MEG3: variants seen among roughly 807,000 people sequenced by gnomAD.
The protein encoded by MEG3 is Very putative protein from MEG3 locus.
At chr14:100,847,852 G>A (rs1481578747) in intron 3 of MEG3, 1 of 152,104 alleles carries the variant, frequency 6.6e-6, no homozygotes, top group Admixed American at 6.5e-5. Flanking sequence ...GAAGAGTTAG[G>A]CTAGGACTTG....
chr14:100,836,900 T>G (rs2037601519), intron 2 of MEG3, among the ~76,000 whole-genome samples: 2 of 152,352 alleles, frequency 1.3e-5, no homozygotes, highest in East Asian at 3.9e-4. Context: ...CGGGAATGTT[T>G]TTGTTTGTTT....
At chr14:100,841,644 G>T (rs1338193397) in intron 2 of MEG3, among the ~76,000 whole-genome samples, 3 of 152,210 alleles carry the variant, frequency 2.0e-5, no homozygotes, top group Non-Finnish European at 1.5e-5. Context: ...TGGTCGGGGG[G>T]GGTCACAGTC....
upstream of MEG3, chr14:100,854,585 T>C (rs925562804): frequency 6.6e-6 from 1 of 152,238 alleles, no homozygotes; most frequent in Non-Finnish European, 1.5e-5. Context: ...ACCTCCTGGG[T>C]GTGCTTGTGG....
chr14:100,833,690 G>A (rs1443849430), downstream of MEG3: 1 of 152,086 alleles, frequency 6.6e-6, no homozygotes, highest in Admixed American at 6.5e-5. Context: ...GGTATGTCCC[G>A]AGTCTGAAAC....
chr14:100,839,390 AG>A (rs1184548258), intron 2 of MEG3, among the ~76,000 whole-genome samples: 1 of 152,186 alleles, frequency 6.6e-6, no homozygotes, highest in East Asian at 1.9e-4. Context: ...AGGAATAAGG[AG>A]GTCTAGCTTC....
exon 1 of MEG3, chr14:100,835,101 C>T (rs1950628): frequency 0.23 from 74,638 of 330,302 alleles, 9,089 homozygotes; most frequent in Admixed American, 0.28. Context: ...AGAGGTAGGC[C>T]GGAGGGTGTG....
At position 100,843,398 on chromosome 14, in the gene MEG3, A is replaced by G. The variant is rs370302212; in HGVS notation, n.3046-2060A>G. Among the ~76,000 whole-genome samples the G allele has an allele frequency of 1.2e-4, 18 of 152,006 alleles. No homozygotes were observed. The East Asian group carries it at 3.3e-3, about 28-fold the overall frequency. The stretch of plus-strand genomic sequence containing the variant: ...CCACCCCAGCCACGCACAGTCTCGG[A>G]GGGAGGGTGGGAAACGGTCTCGAGT... On this transcript the variant is annotated intron_variant and non_coding_transcript_variant, in intron 2 of 3. Transcript: ENST00000398461.
chr14:100,834,359 T>C (rs151097436), exon 1 of MEG3: 2 of 262,016 alleles, frequency 7.6e-6, no homozygotes, highest in Admixed American at 4.9e-5. Flanking sequence ...GGAGAGGGCG[T>C]GGAAGAAATC....
upstream of MEG3, chr14:100,856,103 G>C (rs1354948514): frequency 6.6e-6 from 1 of 152,210 alleles, no homozygotes; most frequent in Non-Finnish European, 1.5e-5. Flanking sequence ...GCCCAGCTCT[G>C]TTTAGAGAAA....
chr14:100,845,414 C>T lies in MEG3; in HGVS notation n.3046-44C>T, dbSNP rs1327157448. 2.2e-6 allele frequency: 1 copy of T among 450,432 alleles called. No homozygotes were observed. The highest frequency in any genetic ancestry group is 7.1e-5 in the East Asian group (1 of 14,158). The allele number at this position is 450,432 out of a possible 1,614,324, so 27.9% of individuals were successfully genotyped here. A position where few individuals can be genotyped will look rare whatever the true frequency, so the allele number is the denominator to read the frequency against. Reference sequence around the variant, plus strand: ...ATCCGCCCTCCTCCTCCTCGCCGGCCTGAGTGAGGTTCTACTCTGTGACCT... The same window carrying T: ...ATCCGCCCTCCTCCTCCTCGCCGGCTTGAGTGAGGTTCTACTCTGTGACCT... On this transcript the variant is annotated intron_variant and non_coding_transcript_variant, in intron 2 of 3. Transcript: ENST00000398461. The surrounding 1 kb of genome is among the most constrained non-coding windows in gnomAD (Gnocchi z 5.2).
downstream of MEG3, chr14:100,832,114 C>A (rs78295903): frequency 6.7e-5 from 10 of 150,060 alleles, no homozygotes; most frequent in Non-Finnish European, 4.4e-5. Flanking sequence ...ACATTAAAGA[C>A]AAAAAAAAAG....
intron 3 of MEG3, chr14:100,852,183 A>G (rs748689931): frequency 1.8e-4 from 67 of 378,416 alleles, no homozygotes; most frequent in Non-Finnish European, 3.5e-4. Flanking sequence ...GGGCGCAGGC[A>G]TGGATGGGGC....
At chr14:100,839,798 G>A (rs973725166) in intron 2 of MEG3, among the ~76,000 whole-genome samples, 18 of 152,310 alleles carry the variant, frequency 1.2e-4, no homozygotes, top group African/African-American at 4.1e-4. Context: ...AGCTCCAGCC[G>A]GATCCAGCAG....
intron 3 of MEG3, chr14:100,848,361 T>G (rs897699877): frequency 6.6e-6 from 1 of 152,114 alleles, no homozygotes; most frequent in Admixed American, 6.5e-5. Flanking sequence ...CAGATTACGA[T>G]GTATCCAGTT....
downstream of MEG3, chr14:100,830,284 T>TAAAC (rs1189260592): frequency 1.3e-5 from 2 of 151,626 alleles, no homozygotes; most frequent in South Asian, 2.1e-4. Context: ...AGTGTGACCT[T>TAAAC]AAACAAGTCG....
At chr14:100,827,154 A>G (rs1326226584) in intron 1 of MEG3, among the ~76,000 whole-genome samples, 1 of 152,046 alleles carries the variant, frequency 6.6e-6, no homozygotes, top group Non-Finnish European at 1.5e-5. Flanking sequence ...GCAGTCTTGG[A>G]CTTTTGGTCA....
chr14:100,851,488 C>T (rs1020833786), intron 3 of MEG3: 1 of 152,254 alleles, frequency 6.6e-6, no homozygotes, highest in Non-Finnish European at 1.5e-5. Context: ...GCCCCGGGAC[C>T]CAGGAGCCCT....
exon 1 of MEG3, chr14:100,860,192 T>C (rs1207669836): frequency 1.6e-5 from 3 of 184,680 alleles, no homozygotes; most frequent in Admixed American, 1.6e-4. Flanking sequence ...GGGGAGACAG[T>C]GGCAGAGGGA....
downstream of MEG3, chr14:100,832,121 A>AAG (rs756484721): frequency 6.6e-6 from 1 of 152,020 alleles, no homozygotes; most frequent in Non-Finnish European, 1.5e-5. Context: ...AGACAAAAAA[A>AAG]AAGTAGGAAA....
Sources: allele counts gnomAD v4.1 joint callset (sites outside exome capture counted in the v4.1 genomes callset), GRCh38; gene constraint gnomAD v4.1.1; non-coding constraint Gnocchi (gnomAD v3.1); transcripts MANE v1.5; gene names NCBI Gene and HGNC (gene_info 2026-07-23, HGNC 2026-07-21).